Variants in HS6ST3 observed in about 807,000 individuals in gnomAD.
The protein encoded by HS6ST3 is heparan-sulfate 6-O-sulfotransferase 3.
A neutral mutation model predicts 36.7 loss-of-function variants in HS6ST3; 12 were observed. That is an observed-to-expected ratio of 0.33 (90% confidence interval 0.21 to 0.53). HS6ST3 has a LOEUF of 0.53. Among genes scored for constraint, HS6ST3 ranks in the 20% least tolerant of loss-of-function variants. The pLI is 0.95. For missense variants in HS6ST3, 584 were observed against 640.9 expected, an observed-to-expected ratio of 0.91 and a Z score of 0.96; for synonymous variants, 240 against 257.5, an observed-to-expected ratio of 0.93 and a Z score of 0.65.
intron 1 of HS6ST3, among the ~76,000 whole-genome samples, chr13:96,388,133 A>G (rs370083672): frequency 2.0e-5 from 3 of 152,248 alleles, no homozygotes; most frequent in Non-Finnish European, 2.9e-5. Flanking sequence ...TTTTGGTCAC[A>G]TCCAAATTAG....
chr13:96,562,140 A>G (rs1055549819), intron 1 of HS6ST3, among the ~76,000 whole-genome samples: 1 of 152,218 alleles, frequency 6.6e-6, no homozygotes, highest in South Asian at 2.1e-4. Flanking sequence ...GTACCCCTCA[A>G]TGGTGGATAG....
rs781665058 is a variant in HS6ST3, at chr13:96,351,267, TA to T, written c.707+259702del. 5.9e-5 allele frequency among the ~76,000 whole-genome samples: 9 copies of T among 151,346 alleles called. No homozygotes were observed. The South Asian group carries it at 1.9e-3, about 32-fold the overall frequency. ...TCAAAAATTAGAGGTTATGAGGTTA[TA>T]AAATAAAAATGTTATTTATTTCAAC... On this transcript the variant is annotated intron_variant, in intron 1 of 1. Transcript: ENST00000376705.
chr13:96,091,308 T>C lies in HS6ST3; in HGVS notation c.446T>C (p.Val149Ala). The change falls in exon 1 of 2, where the codon GTG becomes GCG. Residue 149 changes from valine (V) to alanine (A), a missense_variant. Val to Ala is a moderately conservative substitution (Grantham distance 64). Around this residue, in one of 3 missense-constraint regions of HS6ST3, gnomAD observed 7 missense variants for 24.2 expected, o/e 0.29. Transcript: ENST00000376705. ...DFNIKGRDVI[V>A]FLHIQKTGGT... ...AACATCAAAGGGCGCGACGTGATCG[T>C]GTTCCTCCACATCCAGAAGACGGGG... 1 of 1,613,870 alleles carries C rather than the reference T, an allele frequency of 6.2e-7. No individual in the cohort carries two copies. Among genetic ancestry groups the C allele is most frequent in the South Asian group, 1.1e-5 (1 of 91,028 alleles).
chr13:96,171,006 T>C (rs544312986), intron 1 of HS6ST3, among the ~76,000 whole-genome samples: 4 of 152,246 alleles, frequency 2.6e-5, no homozygotes, highest in Non-Finnish European at 5.9e-5. Context: ...AAAGATTTAA[T>C]CTCAGGTCAT....
At chr13:96,692,280 TC>T (rs1465336546) in intron 1 of HS6ST3, among the ~76,000 whole-genome samples, 2 of 152,090 alleles carry the variant, frequency 1.3e-5, no homozygotes, top group African/African-American at 4.8e-5. Flanking sequence ...CTAATACACA[TC>T]CTCCCATATA....
intron 1 of HS6ST3, among the ~76,000 whole-genome samples, chr13:96,369,385 G>C (rs976636786): frequency 6.6e-6 from 1 of 152,160 alleles, no homozygotes; most frequent in Non-Finnish European, 1.5e-5. Context: ...TGGTGAAGCA[G>C]AAAGCAGATG....
intron 1 of HS6ST3, among the ~76,000 whole-genome samples, chr13:96,513,022 T>C (rs567855193): frequency 1.3e-5 from 2 of 152,198 alleles, no homozygotes; most frequent in African/African-American, 4.8e-5. Flanking sequence ...ATCTTTCTGT[T>C]ACACCAATTG....
intron 1 of HS6ST3, among the ~76,000 whole-genome samples, chr13:96,375,660 C>A (rs980135200): frequency 6.6e-6 from 1 of 152,032 alleles, no homozygotes; most frequent in Non-Finnish European, 1.5e-5. Context: ...TCTCAACAGG[C>A]GACAAAAGCC....
chr13:96,757,719 G>T (rs1876868807), intron 1 of HS6ST3, among the ~76,000 whole-genome samples: 1 of 151,888 alleles, frequency 6.6e-6, no homozygotes, highest in Admixed American at 6.6e-5. Context: ...TGCATTTATT[G>T]AGATGCTCAT....
chr13:96,483,627 G>A (rs2055900114), intron 1 of HS6ST3, among the ~76,000 whole-genome samples: 1 of 152,126 alleles, frequency 6.6e-6, no homozygotes, highest in Admixed American at 6.5e-5. Flanking sequence ...GGAATCTGTG[G>A]CTCACTCTCA....
chr13:96,494,416 T>A (rs1331428624), intron 1 of HS6ST3, among the ~76,000 whole-genome samples: 1 of 137,384 alleles, frequency 7.3e-6, no homozygotes, highest in Non-Finnish European at 1.6e-5. Flanking sequence ...GGGGGAGGGA[T>A]AGCATTAGGA....
intron 1 of HS6ST3, among the ~76,000 whole-genome samples, chr13:96,502,383 A>G (rs1335249547): frequency 3.7e-5 from 5 of 135,642 alleles, no homozygotes; most frequent in African/African-American, 1.4e-4. Context: ...TTCATCTGGC[A>G]GTTTTGAACA....
chr13:96,139,541 G>GCAAAAAAAAAAAA lies in HS6ST3; in HGVS notation c.707+47972_707+47973insCAAAAAAAAAAAA, dbSNP rs371698480. 1.5e-3 allele frequency among the ~76,000 whole-genome samples: 98 copies of GCAAAAAAAAAAAA among 66,270 alleles called. 3 individuals carry two copies. Among genetic ancestry groups the GCAAAAAAAAAAAA allele is most frequent in the African/African-American group, 5.8e-3 (95 of 16,348 alleles). 43.5% of individuals were successfully genotyped at this position (66,270 alleles called of 152,430 possible). ...TTTTCCTGAAATACTGTAAGATTCA[G>GCAAAAAAAAAAAA]AAAAAAAAAAAAAAAAAAAAAAAAA... On this transcript the variant is annotated intron_variant, in intron 1 of 1. Transcript: ENST00000376705.
rs149753451 is a variant in HS6ST3, at chr13:96,336,165, G to T, written c.707+244596G>T. ...TTCTTATTTTTATCATATTTAAATAGGTGCTTAAAAAAGGACAACTAGTTC... is the reference window on the plus strand; with the variant it reads ...TTCTTATTTTTATCATATTTAAATATGTGCTTAAAAAAGGACAACTAGTTC... On this transcript the variant is annotated intron_variant, in intron 1 of 1. Transcript: ENST00000376705. 2.7e-3 allele frequency among the ~76,000 whole-genome samples: 412 copies of T among 151,942 alleles called. 4 individuals carry two copies. The highest frequency in any genetic ancestry group is 9.5e-3 in the African/African-American group (394 of 41,414).
chr13:96,702,446 CAGTT>C (rs999620909), intron 1 of HS6ST3, among the ~76,000 whole-genome samples: 4 of 152,190 alleles, frequency 2.6e-5, no homozygotes, highest in South Asian at 2.1e-4. Context: ...AAAATACTGT[CAGTT>C]AGTGTGTAAG....
At chr13:96,613,971 A>T (rs1229818441) in intron 1 of HS6ST3, among the ~76,000 whole-genome samples, 2 of 152,176 alleles carry the variant, frequency 1.3e-5, no homozygotes, top group Non-Finnish European at 2.9e-5. Flanking sequence ...TGAGGAGTTC[A>T]CATTCTGTGA....
chr13:96,320,489 C>T (rs949402539), intron 1 of HS6ST3, among the ~76,000 whole-genome samples: 1 of 152,188 alleles, frequency 6.6e-6, no homozygotes, highest in Non-Finnish European at 1.5e-5. Context: ...TTGAAATAGA[C>T]TGTGCCGAGG....
chr13:96,548,859 C>T (rs934258273), intron 1 of HS6ST3, among the ~76,000 whole-genome samples: 5 of 152,182 alleles, frequency 3.3e-5, no homozygotes, highest in Admixed American at 6.5e-5. Flanking sequence ...CTGCCTTACT[C>T]GGTCTATGGA....
At chr13:96,523,693 T>C (rs1335399351) in intron 1 of HS6ST3, among the ~76,000 whole-genome samples, 1 of 152,212 alleles carries the variant, frequency 6.6e-6, no homozygotes, top group Non-Finnish European at 1.5e-5. Flanking sequence ...CACGAAGTTC[T>C]TGTACTGTGT....
Sources: gnomAD v4.1 joint callset for allele counts (sites outside exome capture counted in the v4.1 genomes callset) on GRCh38, gnomAD v4.1.1 for gene constraint, gnomAD v4.1.1 regional missense constraint, MANE v1.5 for transcripts, NCBI Gene and HGNC (gene_info 2026-07-23, HGNC 2026-07-21) for gene names.